LHFPL3: variants seen among roughly 807,000 people sequenced by gnomAD.
LHFPL3 encodes LHFPL tetraspan subfamily member 3, also known as LHFPL tetraspan subfamily member 3 protein.
LHFPL3 carries 5 observed loss-of-function variants against 19.3 expected under a neutral mutation model. The ratio of observed to expected loss-of-function variants is 0.26; its 90% CI spans 0.14 to 0.54. The LOEUF is 0.54. LHFPL3 is among the 20% of genes least tolerant of loss of function. The pLI is 0.94. For synonymous variants in LHFPL3, 133 were observed against 126.2 expected, an observed-to-expected ratio of 1.05 and a Z score of -0.36; for missense variants, 249 against 307.4, an observed-to-expected ratio of 0.81 and a Z score of 1.42.
chr7:104,885,821 TA>T (rs1181672062), intron 2 of LHFPL3, among the ~76,000 whole-genome samples: 2 of 151,562 alleles, frequency 1.3e-5, no homozygotes, highest in African/African-American at 4.9e-5. Flanking sequence ...GCATTGAAAA[TA>T]AATTCAAAAT....
chr7:104,827,517 G>A (rs1031046913), intron 2 of LHFPL3, among the ~76,000 whole-genome samples: 3 of 151,746 alleles, frequency 2.0e-5, no homozygotes, highest in Non-Finnish European at 2.9e-5. Flanking sequence ...CACATACCTT[G>A]CACAGAAAAG....
At chr7:104,427,543 AGT>A (rs1491531964) in intron 1 of LHFPL3, among the ~76,000 whole-genome samples, 4 of 152,202 alleles carry the variant, frequency 2.6e-5, no homozygotes, top group African/African-American at 9.6e-5. Flanking sequence ...GTCAACATGT[AGT>A]TTGAGTGGCT....
At chr7:104,583,895 T>C (rs1467074339) in intron 1 of LHFPL3, among the ~76,000 whole-genome samples, 2 of 151,746 alleles carry the variant, frequency 1.3e-5, no homozygotes, top group African/African-American at 4.8e-5. Context: ...TGGAAGTCAG[T>C]GTGGCGATTC....
chr7:104,428,746 C>G (rs1791895095), intron 1 of LHFPL3, among the ~76,000 whole-genome samples: 1 of 152,006 alleles, frequency 6.6e-6, no homozygotes, highest in African/African-American at 2.4e-5. Flanking sequence ...TTTATTTTCC[C>G]TTATTTAGAA....
rs1166588037 is a variant in LHFPL3, at chr7:104,595,724, G to A, written c.446-140951G>A. Among the ~76,000 whole-genome samples, 3 of 152,220 alleles carry A rather than the reference G, an allele frequency of 2.0e-5. 1 individual carries two copies. The highest frequency in any genetic ancestry group is 4.1e-4 in the South Asian group (2 of 4,832). On this transcript the variant is annotated intron_variant, in intron 1 of 2. Coordinates refer to ENST00000424859, the MANE Select transcript of LHFPL3 (RefSeq NM_199000.3). ...AGCTGTGGTGGGCTCCGCCCAGTTC[G>A]AGCTTCTTGGCCGCTTTGTTTACCT...
chr7:104,353,839 A>G (rs938810034), intron 1 of LHFPL3, among the ~76,000 whole-genome samples: 4 of 152,234 alleles, frequency 2.6e-5, no homozygotes, highest in Non-Finnish European at 5.9e-5. Flanking sequence ...CTGATGATGT[A>G]GCTAAAGCTC....
chr7:104,396,497 G>A (rs1272388025), intron 1 of LHFPL3, among the ~76,000 whole-genome samples: 1 of 151,988 alleles, frequency 6.6e-6, no homozygotes, highest in Non-Finnish European at 1.5e-5. Context: ...CTATAATGCT[G>A]GGTTCCTCAA....
intron 1 of LHFPL3, among the ~76,000 whole-genome samples, chr7:104,361,327 T>A (rs766862416): frequency 6.6e-6 from 1 of 152,238 alleles, no homozygotes; most frequent in African/African-American, 2.4e-5. Flanking sequence ...TATTTATAGA[T>A]TCCTATTGAT....
At chr7:104,838,160 G>A (rs926950508) in intron 2 of LHFPL3, among the ~76,000 whole-genome samples, 14 of 152,116 alleles carry the variant, frequency 9.2e-5, no homozygotes, top group African/African-American at 3.4e-4. Flanking sequence ...GGAGGGATAC[G>A]GCTGGTAAAG....
chr7:104,760,343 G>A (rs1794351374), intron 2 of LHFPL3, among the ~76,000 whole-genome samples: 1 of 152,162 alleles, frequency 6.6e-6, no homozygotes, highest in South Asian at 2.1e-4. Context: ...AGTATGGACT[G>A]GGATAGGTCC....
intron 2 of LHFPL3, among the ~76,000 whole-genome samples, chr7:104,774,026 G>A (rs1427048789): frequency 6.6e-6 from 1 of 152,222 alleles, no homozygotes; most frequent in Non-Finnish European, 1.5e-5. Flanking sequence ...TTAATGTAAA[G>A]CCAGGAAGAG....
At chr7:104,598,725 A>C (rs779920448) in intron 1 of LHFPL3, among the ~76,000 whole-genome samples, 1 of 152,216 alleles carries the variant, frequency 6.6e-6, no homozygotes, top group Non-Finnish European at 1.5e-5. Flanking sequence ...CCTTTCATCA[A>C]ACAAAGGCAA....
chr7:104,782,750 T>C (rs1789836419), intron 2 of LHFPL3, among the ~76,000 whole-genome samples: 1 of 152,232 alleles, frequency 6.6e-6, no homozygotes, highest in South Asian at 2.1e-4. Flanking sequence ...CTTTGTGATT[T>C]GTCCCTTGCT....
intron 1 of LHFPL3, among the ~76,000 whole-genome samples, chr7:104,585,573 G>A (rs1173655884): frequency 6.6e-6 from 1 of 150,790 alleles, no homozygotes; most frequent in Non-Finnish European, 1.5e-5. Flanking sequence ...TGCATGGTGA[G>A]GATTTGGGCA....
intron 1 of LHFPL3, among the ~76,000 whole-genome samples, chr7:104,640,919 GAAC>G (rs1169260661): frequency 2.6e-5 from 4 of 152,086 alleles, no homozygotes; most frequent in Non-Finnish European, 4.4e-5. Context: ...ATCAAATATT[GAAC>G]AAAAAAGTTA....
chr7:104,662,635 G>A (rs1792254810), intron 1 of LHFPL3, among the ~76,000 whole-genome samples: 1 of 152,144 alleles, frequency 6.6e-6, no homozygotes, highest in Non-Finnish European at 1.5e-5. Flanking sequence ...ACAAACAAAT[G>A]AGTGAACAAA....
Position 104,599,009 on chromosome 7 carries a change from T to G in LHFPL3, c.446-137666T>G, listed in dbSNP as rs537821400. Among the ~76,000 whole-genome samples the G allele has an allele frequency of 2.6e-5, 4 of 152,336 alleles. No homozygotes were observed. In the South Asian group the frequency reaches 8.3e-4, roughly 32 times the overall value. On this transcript the variant is annotated intron_variant, in intron 1 of 2. Coordinates refer to ENST00000424859, the MANE Select transcript of LHFPL3 (RefSeq NM_199000.3). ...TACATTTTTAATTTTTATCTCTTAA[T>G]TCCATTTTTCCATGAATTTTTAAAA...
intron 1 of LHFPL3, among the ~76,000 whole-genome samples, chr7:104,441,688 G>C (rs1303993961): frequency 2.0e-5 from 3 of 152,134 alleles, no homozygotes; most frequent in Non-Finnish European, 4.4e-5. Flanking sequence ...TGATTCTCCG[G>C]CCTCAGCCTT....
intron 1 of LHFPL3, among the ~76,000 whole-genome samples, chr7:104,538,698 T>C (rs1023994972): frequency 3.3e-5 from 5 of 152,184 alleles, no homozygotes; most frequent in Admixed American, 2.6e-4. Flanking sequence ...GGAATGTAGA[T>C]TGATAAAGAA....
Sources: allele counts gnomAD v4.1 joint callset (sites outside exome capture counted in the v4.1 genomes callset), GRCh38; gene constraint gnomAD v4.1.1; transcripts MANE v1.5; gene names NCBI Gene and HGNC (gene_info 2026-07-23, HGNC 2026-07-21).